Variants in ULK4 observed in about 807,000 individuals in gnomAD.
The protein encoded by ULK4 is inactive serine/threonine-protein kinase ULK4.
In ULK4, 133 loss-of-function variants were observed where a neutral mutation model predicts 160.6. That is an observed-to-expected ratio of 0.83 (90% CI 0.72 to 0.96). The LOEUF is 0.96. ULK4 is among the 40% of genes least tolerant of loss of function. The pLI is 0.00. For missense variants in ULK4, 1,580 were observed against 1,499.5 expected, an observed-to-expected ratio of 1.05 and a Z score of -0.89; for synonymous variants, 534 against 539.8, an observed-to-expected ratio of 0.99 and a Z score of 0.15.
At chr3:41,505,667 G>A (rs2081886327) in intron 32 of ULK4, among the ~76,000 whole-genome samples, 1 of 151,928 alleles carries the variant, frequency 6.6e-6, no homozygotes, top group South Asian at 2.1e-4. Context: ...TATTGACCTT[G>A]TGCTTAGGGA....
At chr3:41,356,662 C>A (rs3908969) in intron 35 of ULK4, among the ~76,000 whole-genome samples, 2 of 152,074 alleles carry the variant, frequency 1.3e-5, no homozygotes, top group African/African-American at 2.4e-5. Context: ...ATGTTACCTG[C>A]ACAATCAGAA....
At chr3:41,902,257 C>T (rs540101465) in intron 12 of ULK4, among the ~76,000 whole-genome samples, 5 of 152,138 alleles carry the variant, frequency 3.3e-5, no homozygotes, top group Non-Finnish European at 5.9e-5. Flanking sequence ...ACCCAAGCTG[C>T]CCCATGCAAC....
chr3:41,407,207 C>T (rs1305715631), intron 34 of ULK4, among the ~76,000 whole-genome samples: 2 of 152,108 alleles, frequency 1.3e-5, no homozygotes, highest in South Asian at 4.2e-4. Flanking sequence ...AACCATCCTA[C>T]AAAAGAACAA....
At chr3:41,429,807 T>C (rs2125845050) in intron 34 of ULK4, among the ~76,000 whole-genome samples, 1 of 152,224 alleles carries the variant, frequency 6.6e-6, no homozygotes, top group Middle Eastern at 3.4e-3. Flanking sequence ...CTGGGCTTAA[T>C]ACCTAAGTGA....
chr3:41,931,321 G>C (rs148619257), intron 5 of ULK4, among the ~76,000 whole-genome samples: 1 of 152,034 alleles, frequency 6.6e-6, no homozygotes, highest in Non-Finnish European at 1.5e-5. Context: ...TCACACACCG[G>C]GGCCTGTCAG....
chr3:41,447,918 C>A (rs534000985), intron 34 of ULK4, among the ~76,000 whole-genome samples: 1 of 152,072 alleles, frequency 6.6e-6, no homozygotes, highest in Non-Finnish European at 1.5e-5. Context: ...GCAAGCGAGC[C>A]GAGCCAGTGA....
At chr3:41,640,930 T>C (rs924365225) in intron 30 of ULK4, among the ~76,000 whole-genome samples, 6 of 152,222 alleles carry the variant, frequency 3.9e-5, no homozygotes, top group African/African-American at 1.4e-4. Flanking sequence ...TGCCATCTAT[T>C]TCCCACGTCT....
chr3:41,349,522 A>G (rs1185550619), intron 35 of ULK4, among the ~76,000 whole-genome samples: 6 of 152,132 alleles, frequency 3.9e-5, no homozygotes, highest in African/African-American at 1.4e-4. Context: ...TCCATGCACC[A>G]ATACTCAACA....
intron 20 of ULK4, among the ~76,000 whole-genome samples, chr3:41,791,226 C>T (rs1450728664): frequency 1.3e-5 from 2 of 152,204 alleles, no homozygotes; most frequent in Non-Finnish European, 2.9e-5. Flanking sequence ...GATCTCCTGA[C>T]CTCGTGATCT....
intron 17 of ULK4, among the ~76,000 whole-genome samples, chr3:41,865,271 TAAA>T (rs55741060): frequency 0.099 from 2,877 of 29,144 alleles, 18 homozygotes; most frequent in Non-Finnish European, 0.13. Flanking sequence ...ACTCTGTCTT[TAAA>T]AAAAAAAAAA....
chr3:41,464,309 G>A (rs548121127), intron 32 of ULK4, among the ~76,000 whole-genome samples: 3 of 152,196 alleles, frequency 2.0e-5, no homozygotes, highest in South Asian at 2.1e-4. Context: ...GTCACTAAAG[G>A]CAGTGACATA....
chr3:41,807,176 T>A (rs1374743578), intron 19 of ULK4, among the ~76,000 whole-genome samples: 2 of 152,022 alleles, frequency 1.3e-5, no homozygotes, highest in African/African-American at 4.8e-5. Flanking sequence ...ATCTGAACAT[T>A]TTATATATAT....
intron 15 of ULK4, 121 bp downstream of exon 15, chr3:41,896,701 A>C (rs764645422): frequency 1.1e-4 from 126 of 1,134,896 alleles, no homozygotes; most frequent in Non-Finnish European, 1.4e-4. Flanking sequence ...ATTTTCATAA[A>C]CCTAAAATCG....
intron 18 of ULK4, among the ~76,000 whole-genome samples, chr3:41,827,681 C>T (rs1164573059): frequency 6.6e-6 from 1 of 152,144 alleles, no homozygotes; most frequent in Non-Finnish European, 1.5e-5. Context: ...AAAAAAAGTT[C>T]AGGACTAGAT....
At chr3:41,354,860 CCT>C (rs2080996741) in intron 35 of ULK4, among the ~76,000 whole-genome samples, 1 of 152,200 alleles carries the variant, frequency 6.6e-6, no homozygotes, top group African/African-American at 2.4e-5. Flanking sequence ...GAACACTTGA[CCT>C]CTGTTTTATT....
At chr3:41,499,367 T>C (rs907418153) in intron 32 of ULK4, among the ~76,000 whole-genome samples, 2 of 152,190 alleles carry the variant, frequency 1.3e-5, no homozygotes, top group East Asian at 1.9e-4. Flanking sequence ...GTTGACTATA[T>C]TGAACAGAAA....
At chr3:41,332,261 A>G (rs1247964022) in intron 35 of ULK4, among the ~76,000 whole-genome samples, 1 of 152,168 alleles carries the variant, frequency 6.6e-6, no homozygotes, top group African/African-American at 2.4e-5. Flanking sequence ...TTCAAAGCTT[A>G]TCTATTCCAA....
intron 29 of ULK4, among the ~76,000 whole-genome samples, chr3:41,680,660 A>T (rs1013480307): frequency 8.5e-5 from 13 of 152,262 alleles, no homozygotes; most frequent in Middle Eastern, 3.4e-3. Context: ...AATTTTTTTT[A>T]AATGAGAACA....
intron 19 of ULK4, among the ~76,000 whole-genome samples, chr3:41,813,162 G>C (rs900104377): frequency 2.0e-5 from 3 of 152,264 alleles, no homozygotes; most frequent in African/African-American, 2.4e-5. Context: ...CAGGGCAGGT[G>C]GGGGAGGAGC....
Sources: gnomAD v4.1 joint callset for allele counts (sites outside exome capture counted in the v4.1 genomes callset) on GRCh38, gnomAD v4.1.1 for gene constraint, MANE v1.5 for transcripts, NCBI Gene and HGNC (gene_info 2026-07-23, HGNC 2026-07-21) for gene names.